The following TMCO5A variants were observed in gnomAD, a reference collection of about 807,000 sequenced individuals.
TMCO5A encodes the protein transmembrane and coiled-coil domains 5A, also known as transmembrane and coiled-coil domain-containing protein 5A.
Under a neutral mutation model 42.3 loss-of-function variants are expected in TMCO5A, and 34 were observed. That is an observed-to-expected ratio of 0.80 (90% confidence interval 0.61 to 1.07). The LOEUF is 1.07. Among genes scored for constraint, TMCO5A ranks in the 50% least tolerant of loss-of-function variants. The pLI is 0.00. For synonymous variants in TMCO5A, 131 were observed against 115.6 expected, an observed-to-expected ratio of 1.13 and a Z score of -0.86; for missense variants, 357 against 327.9, an observed-to-expected ratio of 1.09 and a Z score of -0.69.
the TMCO5A span, chr15:38,040,342 C>T: frequency 6.6e-6 from 1 of 152,190 alleles, no homozygotes; most frequent in Non-Finnish European, 1.5e-5. Context: ...GACACTGAAG[C>T]GGTCACCCAG....
At chr15:37,966,906 C>T in exon 12 of TMCO5A, 1 of 523,786 alleles carries the variant, frequency 1.9e-6, no homozygotes. Flanking sequence ...AAGGGAATGA[C>T]CTAAACTATA....
intron 9 of TMCO5A, 188 bp from the exon 10 acceptor site, chr15:37,943,153 C>G (rs1889812482): frequency 2.0e-6 from 1 of 490,638 alleles, no homozygotes; most frequent in Admixed American, 3.9e-5. Flanking sequence ...CAATTGAGTA[C>G]ATAAAAGATG....
chr15:37,982,367 A>C, the TMCO5A span, among the ~76,000 whole-genome samples: 1 of 150,968 alleles, frequency 6.6e-6, no homozygotes, highest in Non-Finnish European at 1.5e-5. Context: ...ATCTCACTCC[A>C]CAATGCCACA....
At chr15:37,966,508 T>C (rs987366817) in intron 11 of TMCO5A, 5 of 696,566 alleles carry the variant, frequency 7.2e-6, no homozygotes, top group Non-Finnish European at 1.3e-5. Flanking sequence ...ACACACCTAC[T>C]ATGTACCCAC....
rs1278684619 is a variant in TMCO5A, at chr15:37,942,260, G to A, written c.569+5G>A. ...TCTGTTCCTTGAGAGAGAAGTGTGA[G>A]CTTTGGCAAAGGAACATCCTGGTTT... On this transcript the variant is annotated splice_donor_5th_base_variant and intron_variant, in intron 9 of 11. Transcript: ENST00000319669. The A allele has an allele frequency of 4.3e-6, 7 of 1,612,192 alleles. No homozygotes were observed. In the East Asian group the frequency reaches 1.3e-4, roughly 31 times the overall value.
the TMCO5A span, among the ~76,000 whole-genome samples, chr15:38,002,635 G>A: frequency 2.0e-5 from 3 of 151,814 alleles, no homozygotes; most frequent in South Asian, 2.1e-4. Context: ...CTGTTAAGAG[G>A]CTCTGATGTG....
In TMCO5A at chr15:37,936,410, A is replaced by C; in HGVS notation, c.87A>C (p.Glu29Asp). 1 of 1,613,228 alleles carries C rather than the reference A, an allele frequency of 6.2e-7. No homozygotes were observed. Among genetic ancestry groups the C allele is most frequent in the Non-Finnish European group, 8.5e-7 (1 of 1,179,452 alleles). Reference protein sequence around the residue: ...DLERDTQRIDEANQKLLLKIQ... With the variant: ...DLERDTQRIDDANQKLLLKIQ... The stretch of plus-strand genomic sequence containing the variant: ...AAAGGGATACGCAGAGAATAGATGA[A>C]GCAAATCAGAAACTTCTTCTCAAAA... The change falls in exon 3 of 12, where the codon GAA becomes GAC. Residue 29 changes from glutamate (E) to aspartate (D), a missense_variant. Physicochemically the swap from Glu to Asp is conservative, Grantham distance 45. Transcript: ENST00000319669.
At chr15:38,039,199 A>AT in the TMCO5A span, among the ~76,000 whole-genome samples, 3 of 152,192 alleles carry the variant, frequency 2.0e-5, no homozygotes, top group Admixed American at 6.5e-5. Flanking sequence ...AAATATAGAT[A>AT]TGGATGACTA....
chr15:37,971,678 A>T (rs1386235300), downstream of TMCO5A, among the ~76,000 whole-genome samples: 1 of 152,126 alleles, frequency 6.6e-6, no homozygotes, highest in Non-Finnish European at 1.5e-5. Context: ...TGCTGCCTAG[A>T]AATTTCTTCC....
At chr15:37,961,473 G>A (rs1890427099) in intron 11 of TMCO5A, among the ~76,000 whole-genome samples, 1 of 152,076 alleles carries the variant, frequency 6.6e-6, no homozygotes, top group African/African-American at 2.4e-5. Flanking sequence ...GTCAGGTAGT[G>A]TCATGCCTCC....
intron 2 of TMCO5A, among the ~76,000 whole-genome samples, chr15:37,935,776 TA>T (rs1416567228): frequency 1.3e-5 from 2 of 152,020 alleles, no homozygotes; most frequent in African/African-American, 2.4e-5. Flanking sequence ...ACTCTCATGG[TA>T]AAAATTTCAA....
At chr15:37,941,424 G>A (rs182618832) in intron 7 of TMCO5A, among the ~76,000 whole-genome samples, 44 of 151,628 alleles carry the variant, frequency 2.9e-4, no homozygotes, top group Admixed American at 2.2e-3. Context: ...TTTGTATCTC[G>A]CAAATATTAG....
At chr15:37,940,714 A>C (rs1889703090) in intron 6 of TMCO5A, among the ~76,000 whole-genome samples, 1 of 152,112 alleles carries the variant, frequency 6.6e-6, no homozygotes, top group African/African-American at 2.4e-5. Context: ...TCACTCCAGC[A>C]TAGCAGCTGA....
At chr15:37,976,759 G>C in the TMCO5A span, among the ~76,000 whole-genome samples, 1 of 146,256 alleles carries the variant, frequency 6.8e-6, no homozygotes, top group African/African-American at 2.5e-5. Context: ...CATCAGATCA[G>C]TTTGGTTTCT....
chr15:38,001,436 GTTT>G, the TMCO5A span, among the ~76,000 whole-genome samples: 8 of 128,354 alleles, frequency 6.2e-5, no homozygotes, highest in African/African-American at 1.8e-4. Flanking sequence ...ATTGGATCTT[GTTT>G]TTTTTTTTTT....
chr15:37,999,637 T>A, the TMCO5A span, among the ~76,000 whole-genome samples: 2,994 of 152,308 alleles, frequency 0.02, 120 homozygotes, highest in Admixed American at 0.093. Context: ...TGGTTTTTCC[T>A]CATTCAGTGT....
chr15:37,969,886 G>GTA (rs1449475144), downstream of TMCO5A, among the ~76,000 whole-genome samples: 3 of 152,240 alleles, frequency 2.0e-5, no homozygotes, highest in East Asian at 1.9e-4. Context: ...TGGTTGCATA[G>GTA]TATATATATA....
chr15:37,952,669 C>T (rs1478366018), downstream of TMCO5A, among the ~76,000 whole-genome samples: 1 of 152,194 alleles, frequency 6.6e-6, no homozygotes, highest in Non-Finnish European at 1.5e-5. Flanking sequence ...GGTCAAGATT[C>T]CTTCTACTTG....
the TMCO5A span, among the ~76,000 whole-genome samples, chr15:38,013,074 A>G: frequency 1.3e-5 from 2 of 152,152 alleles, no homozygotes; most frequent in African/African-American, 4.8e-5. Flanking sequence ...TGGCAGACAG[A>G]GAACCACCAC....
Sources: gnomAD v4.1 joint callset for allele counts (sites outside exome capture counted in the v4.1 genomes callset) on GRCh38, gnomAD v4.1.1 for gene constraint, MANE v1.5 for transcripts, NCBI Gene and HGNC (gene_info 2026-07-23, HGNC 2026-07-21) for gene names.